TENM2: variants seen among roughly 807,000 people sequenced by gnomAD.
TENM2 encodes the protein teneurin-2.
In TENM2, 52 loss-of-function variants were observed where a neutral mutation model predicts 245.2. The observed-to-expected ratio is 0.21, with a 90% CI of 0.17 to 0.27. TENM2 has a LOEUF of 0.27. Among genes scored for constraint, TENM2 ranks in the 10% least tolerant of loss-of-function variants. The probability of loss-of-function intolerance (pLI) is 1.00; values close to 1 mark genes in which losing one functional copy is unlikely to be tolerated. For missense variants in TENM2, 3,046 were observed against 3,666.8 expected, an observed-to-expected ratio of 0.83 and a Z score of 4.37; for synonymous variants, 1,363 against 1,438.9, an observed-to-expected ratio of 0.95 and a Z score of 1.19.
intron 1 of TENM2, among the ~76,000 whole-genome samples, chr5:167,344,889 G>GGTAAA: frequency 6.6e-6 from 1 of 152,230 alleles, no homozygotes; most frequent in South Asian, 2.1e-4. Flanking sequence ...GGTGAAGGTG[G>GGTAAA]GTAAAGAATG....
At chr5:168,156,904 A>G (rs1757237097) in intron 12 of TENM2, among the ~76,000 whole-genome samples, 2 of 152,316 alleles carry the variant, frequency 1.3e-5, no homozygotes, top group South Asian at 4.1e-4. Flanking sequence ...ACACCATAGC[A>G]GGAACGCCTG....
intron 4 of TENM2, among the ~76,000 whole-genome samples, chr5:167,956,039 T>G (rs950555323): frequency 6.6e-6 from 1 of 152,220 alleles, no homozygotes. Flanking sequence ...GGGATAGCAT[T>G]GAATCTATGA....
In TENM2 at chr5:168,262,552, C is replaced by T. The variant is rs368729024; in HGVS notation, c.8067C>T (p.Asp2689=). 1.8e-3 allele frequency: 2,867 copies of T among 1,558,990 alleles called. 11 individuals are homozygous for T. Among genetic ancestry groups the T allele is most frequent in the South Asian group, 4.1e-3 (347 of 84,530 alleles). The change falls in exon 29 of 29, where the codon GAC becomes GAT. Residue 2689 remains aspartate (D), a synonymous_variant. Coordinates refer to ENST00000518659, the Ensembl canonical transcript of TENM2. ...ATGGCCTCACCCCCGACACCCTGGA[C>T]GAAGAGAAGGCCCGCGTCCTGGACC...
At chr5:167,018,132 C>G in the TENM2 span, among the ~76,000 whole-genome samples, 2 of 152,172 alleles carry the variant, frequency 1.3e-5, no homozygotes, top group African/African-American at 4.8e-5. Context: ...TCAAGCCACT[C>G]AATCACATTC....
the TENM2 span, among the ~76,000 whole-genome samples, chr5:167,262,809 C>T: frequency 2.6e-5 from 4 of 152,070 alleles, no homozygotes; most frequent in Non-Finnish European, 5.9e-5. Context: ...TCAGCCTTAG[C>T]GTGTTCAGGC....
chr5:167,227,371 G>T, the TENM2 span, among the ~76,000 whole-genome samples: 1 of 152,074 alleles, frequency 6.6e-6, no homozygotes, highest in African/African-American at 2.4e-5. Context: ...ATACTTTTGT[G>T]TGTTTTCATG....
intron 4 of TENM2, among the ~76,000 whole-genome samples, chr5:167,981,459 T>C (rs929263079): frequency 4.6e-5 from 7 of 152,212 alleles, no homozygotes; most frequent in African/African-American, 1.4e-4. Flanking sequence ...CAAATGTAGA[T>C]AGGGTAATAG....
chr5:168,102,053 TTGTGTG>T (rs5873087), intron 9 of TENM2, among the ~76,000 whole-genome samples: 77,709 of 151,008 alleles, frequency 0.51, 20,381 homozygotes, highest in Admixed American at 0.62. Context: ...TTTTTTGTTT[TTGTGTG>T]TGTGTGTGTG....
At chr5:167,809,664 T>G (rs764177189) in intron 2 of TENM2, among the ~76,000 whole-genome samples, 12 of 152,136 alleles carry the variant, frequency 7.9e-5, no homozygotes, top group African/African-American at 2.9e-4. Context: ...GCCAGAAATG[T>G]GCTTGTGTTG....
chr5:167,569,301 C>T (rs1450495416), intron 2 of TENM2, among the ~76,000 whole-genome samples: 1 of 151,898 alleles, frequency 6.6e-6, no homozygotes, highest in Admixed American at 6.6e-5. Flanking sequence ...GATGATCAAA[C>T]ACTCAACAAA....
chr5:168,023,570 G>A (rs1026758356), intron 5 of TENM2, among the ~76,000 whole-genome samples: 1 of 152,200 alleles, frequency 6.6e-6, no homozygotes, highest in Non-Finnish European at 1.5e-5. Context: ...ATGCCTCAAG[G>A]GCAAATGGAT....
intron 2 of TENM2, among the ~76,000 whole-genome samples, chr5:167,685,863 C>A (rs981806591): frequency 3.3e-5 from 5 of 150,772 alleles, no homozygotes; most frequent in Admixed American, 3.3e-4. Context: ...GCCTCATACG[C>A]TTTTTCAACA....
At chr5:168,034,049 GTATATATATATA>G (rs1157018201) in intron 5 of TENM2, among the ~76,000 whole-genome samples, 1 of 124,074 alleles carries the variant, frequency 8.1e-6, no homozygotes, top group East Asian at 2.2e-4. Flanking sequence ...ATATGTGTGT[GTATATATATATA>G]TATGTGTATA....
chr5:167,959,778 G>T (rs1780856733), intron 4 of TENM2, among the ~76,000 whole-genome samples: 1 of 152,190 alleles, frequency 6.6e-6, no homozygotes, highest in African/African-American at 2.4e-5. Context: ...ATGAGAAGAG[G>T]TGTTCTGGTT....
chr5:167,230,157 G>A, the TENM2 span, among the ~76,000 whole-genome samples: 1 of 152,272 alleles, frequency 6.6e-6, no homozygotes, highest in Admixed American at 6.5e-5. Flanking sequence ...CCCAGCATGA[G>A]TTCTCTCTCT....
chr5:167,855,914 G>A, intron 2 of TENM2, among the ~76,000 whole-genome samples: 1 of 143,762 alleles, frequency 7.0e-6, no homozygotes, highest in Admixed American at 7.0e-5. Context: ...AGGGAATGAG[G>A]GAGGGAGGAA....
intron 5 of TENM2, among the ~76,000 whole-genome samples, chr5:168,042,620 G>C (rs895767285): frequency 1.3e-5 from 2 of 152,040 alleles, no homozygotes; most frequent in Admixed American, 1.3e-4. Flanking sequence ...AACGAACCCT[G>C]CTCCCTTTCT....
chr5:168,248,659 G>A (rs1766817823), intron 27 of TENM2, among the ~76,000 whole-genome samples: 1 of 152,216 alleles, frequency 6.6e-6, no homozygotes, highest in Admixed American at 6.5e-5. Flanking sequence ...TAAGAAGCGG[G>A]GAGAGAATAG....
At chr5:168,022,655 T>C (rs910756987) in intron 5 of TENM2, among the ~76,000 whole-genome samples, 1 of 152,224 alleles carries the variant, frequency 6.6e-6, no homozygotes, top group African/African-American at 2.4e-5. Context: ...AGCAGATTTT[T>C]TGGAAACCGG....
Sources: gnomAD v4.1 joint callset for allele counts (sites outside exome capture counted in the v4.1 genomes callset) on GRCh38, gnomAD v4.1.1 for gene constraint, MANE v1.5 for transcripts, NCBI Gene and HGNC (gene_info 2026-07-23, HGNC 2026-07-21) for gene names.